The following PACS1 variants were observed in gnomAD, a reference collection of about 807,000 sequenced individuals.
PACS1 encodes the protein phosphofurin acidic cluster sorting protein 1.
A neutral mutation model predicts 115.0 loss-of-function variants in PACS1; 24 were observed. The observed-to-expected ratio is 0.21, with a 90% CI of 0.15 to 0.29. The LOEUF is 0.29. Ranked by LOEUF, PACS1 falls within the 10% of genes least tolerant of loss-of-function variation. The pLI is 1.00. For missense variants in PACS1, 838 were observed against 1,251.2 expected (o/e 0.67, Z 4.98); for synonymous variants, 453 against 504.5 (o/e 0.90, Z 1.37).
At chr11:66,090,796 G>A (rs1857647353) in intron 1 of PACS1, among the ~76,000 whole-genome samples, 1 of 152,096 alleles carries the variant, frequency 6.6e-6, no homozygotes, top group Admixed American at 6.6e-5. Flanking sequence ...GAATATAGGT[G>A]ATATATTATT....
rs552048036 is a variant in PACS1 at position 66,204,434 on chromosome 11, C to A, written c.445-5928C>A. Reference sequence around the variant, plus strand: ...GTAGAGAAAAGGGAACCCTCGTACACTGTTGGTAGGAATGTAAGTTAGTAT... The same window carrying A: ...GTAGAGAAAAGGGAACCCTCGTACAATGTTGGTAGGAATGTAAGTTAGTAT... On this transcript the variant is annotated intron_variant, in intron 2 of 23. Coordinates refer to ENST00000320580, the MANE Select transcript of PACS1 (RefSeq NM_018026.4). 2.1e-4 allele frequency among the ~76,000 whole-genome samples: 32 copies of A among 152,268 alleles called. 1 individual carries two copies. The South Asian group carries it at 6.6e-3, about 32-fold the overall frequency.
chr11:66,200,849 T>C (rs1441570018), intron 2 of PACS1, among the ~76,000 whole-genome samples: 1 of 152,038 alleles, frequency 6.6e-6, no homozygotes, highest in East Asian at 1.9e-4. Context: ...ACACTTTTTT[T>C]TTTCATTAGC....
intron 2 of PACS1, among the ~76,000 whole-genome samples, chr11:66,200,000 CTG>C: frequency 6.8e-6 from 1 of 147,936 alleles, no homozygotes; most frequent in Non-Finnish European, 1.5e-5. Flanking sequence ...ACCCAGGCAA[CTG>C]TGCGAGACTC....
chr11:66,241,608 G>A lies in PACS1; in HGVS notation c.2611G>A (p.Gly871Ser). The change falls in exon 22 of 24, where the codon GGC becomes AGC. Residue 871 changes from glycine (G) to serine (S), a missense_variant. Gly to Ser is a moderately conservative substitution (Grantham distance 56, BLOSUM62 0). Transcript: ENST00000320580. ...CCATAGTGGGGAGGCCCAGCTTTCT[G>A]GCACCATGGCCATGACTGTGGTCAC... Reference protein sequence around the residue: ...LPHSGEAQLSGTMAMTVVTKE... With the variant: ...LPHSGEAQLSSTMAMTVVTKE... The A allele has an allele frequency of 6.2e-7, 1 of 1,614,102 alleles. No individual in the cohort carries two copies. The highest frequency in any genetic ancestry group is 8.5e-7 in the Non-Finnish European group (1 of 1,179,944).
chr11:66,071,890 T>C (rs1323345170), intron 1 of PACS1, among the ~76,000 whole-genome samples: 1 of 152,174 alleles, frequency 6.6e-6, no homozygotes, highest in Non-Finnish European at 1.5e-5. Context: ...GTTTTATATA[T>C]ATATCCCAGA....
intron 1 of PACS1, among the ~76,000 whole-genome samples, chr11:66,100,240 A>G (rs75589742): frequency 6.5e-4 from 99 of 152,232 alleles, no homozygotes; most frequent in African/African-American, 2.3e-3. Flanking sequence ...CCAATGTAAC[A>G]TTTTAGGGTT....
intron 10 of PACS1, among the ~76,000 whole-genome samples, chr11:66,224,437 G>A (rs1026697854): frequency 6.6e-6 from 1 of 152,216 alleles, no homozygotes; most frequent in African/African-American, 2.4e-5. Context: ...ACAGGATCAT[G>A]CACATCAGAC....
intron 1 of PACS1, among the ~76,000 whole-genome samples, chr11:66,131,116 A>G (rs1472017745): frequency 2.0e-5 from 3 of 152,184 alleles, no homozygotes; most frequent in Admixed American, 6.5e-5. Flanking sequence ...AGATCCTCAT[A>G]TATGTCTTCT....
rs1247582493 is a variant in PACS1, at chr11:66,092,407, A to G, written c.356+21565A>G. On this transcript the variant is annotated intron_variant, in intron 1 of 23. Transcript: ENST00000320580. Reference sequence around the variant, plus strand: ...TTGTAAATTTGTTTGAGTTCACTGTAGATTCTGGATATTAGCCCTTTGTCA... The same window carrying G: ...TTGTAAATTTGTTTGAGTTCACTGTGGATTCTGGATATTAGCCCTTTGTCA... 9.9e-5 allele frequency among the ~76,000 whole-genome samples: 15 copies of G among 152,210 alleles called. No homozygotes were observed. In the South Asian group the frequency reaches 1.5e-3, roughly 15 times the overall value.
intron 1 of PACS1, among the ~76,000 whole-genome samples, chr11:66,084,546 C>A (rs1298798463): frequency 6.6e-6 from 1 of 151,910 alleles, no homozygotes; most frequent in African/African-American, 2.4e-5. Context: ...CTGTGATGAT[C>A]TAGGTGGGAG....
chr11:66,241,442 A>C lies in PACS1; in HGVS notation c.2445A>C (p.Pro815=), dbSNP rs1435652549. 6.3e-7 allele frequency: 1 copy of C among 1,599,224 alleles called. No homozygotes were observed. Among genetic ancestry groups the C allele is most frequent in the Admixed American group, 1.7e-5 (1 of 57,222 alleles). The part of the protein sequence containing the change: ...ALAIVGSPNS[P]YGDVIGLQVD... ...CTTTCCTCAGGAGCCCTAATAGCCC[A>C]TATGGGGACGTGATTGGCCTCCAGG... The change falls in exon 22 of 24, where the codon CCA becomes CCC. Residue 815 remains proline, a synonymous_variant. Coordinates refer to ENST00000320580, the MANE Select transcript of PACS1 (RefSeq NM_018026.4).
At chr11:66,238,406 A>C in intron 19 of PACS1, 41 of 909,954 alleles carry the variant, frequency 4.5e-5, no homozygotes, top group Non-Finnish European at 5.1e-5. Flanking sequence ...GCCCCATCTC[A>C]TTGTTGCAAC....
At chr11:66,186,113 T>G (rs1236364697) in intron 1 of PACS1, among the ~76,000 whole-genome samples, 1 of 151,484 alleles carries the variant, frequency 6.6e-6, no homozygotes, top group Non-Finnish European at 1.5e-5. Context: ...CAAAAAAAAT[T>G]TTTTTTTTCT....
chr11:66,159,079 A>G (rs1005291088), intron 1 of PACS1, among the ~76,000 whole-genome samples: 1 of 152,194 alleles, frequency 6.6e-6, no homozygotes, highest in African/African-American at 2.4e-5. Flanking sequence ...TGATGGAAAA[A>G]TTTTCAGTCT....
chr11:66,172,250 G>A (rs996813755), intron 1 of PACS1, among the ~76,000 whole-genome samples: 2 of 152,136 alleles, frequency 1.3e-5, no homozygotes, highest in African/African-American at 4.8e-5. Context: ...AAATGTGTGA[G>A]CCAGCCTCCA....
At chr11:66,118,769 C>CAAAAAAAAAAAAAAAA (rs397945291) in intron 1 of PACS1, among the ~76,000 whole-genome samples, 18 of 83,604 alleles carry the variant, frequency 2.2e-4, no homozygotes, top group East Asian at 1.0e-3. Context: ...CCCATGTCTA[C>CAAAAAAAAAAAAAAAA]AAAAAAAAAA....
intron 1 of PACS1, among the ~76,000 whole-genome samples, chr11:66,099,407 G>T (rs901735430): frequency 6.6e-6 from 1 of 150,892 alleles, no homozygotes; most frequent in African/African-American, 2.4e-5. Context: ...TGTATTTTTA[G>T]TAGAGATGGG....
At chr11:66,073,180 G>A (rs1857341068) in intron 1 of PACS1, among the ~76,000 whole-genome samples, 1 of 152,212 alleles carries the variant, frequency 6.6e-6, no homozygotes, top group African/African-American at 2.4e-5. Flanking sequence ...TGCTCTTTGA[G>A]CATTTTGCAG....
chr11:66,070,490 G>T lies in PACS1; in HGVS notation c.4G>T (p.Ala2Ser). The change falls in exon 1 of 24, where the codon GCG becomes TCG. Residue 2 changes from alanine to serine, a missense_variant. By Grantham distance (99) the Ala-to-Ser change is moderately conservative. Coordinates refer to ENST00000320580, the MANE Select transcript of PACS1 (RefSeq NM_018026.4). The surrounding 1 kb of genome is among the most constrained non-coding windows in gnomAD (Gnocchi z 5.9). The part of the protein sequence containing the change: M[A>S]ERGGAGGGPG... ...GTAACCCCCGCCTAGCCGGGCCATG[G>T]CGGAACGCGGAGGGGCGGGCGGTGG... is the stretch of plus-strand genomic sequence containing the variant. 1 of 1,287,008 alleles carries T rather than the reference G, an allele frequency of 7.8e-7. No homozygotes were observed. The highest frequency in any genetic ancestry group is 9.8e-7 in the Non-Finnish European group (1 of 1,023,608). The allele number at this position is 1,287,008 out of a possible 1,614,324, so 79.7% of individuals were successfully genotyped here. A position where few individuals can be genotyped will look rare whatever the true frequency, so the allele number is the denominator to read the frequency against.
Sources: gnomAD v4.1 joint callset for allele counts (sites outside exome capture counted in the v4.1 genomes callset) on GRCh38, gnomAD v4.1.1 for gene constraint, Gnocchi (gnomAD v3.1) non-coding constraint, MANE v1.5 for transcripts, NCBI Gene and HGNC (gene_info 2026-07-23, HGNC 2026-07-21) for gene names.